The following ITGA1 variants were observed in gnomAD, a reference collection of about 807,000 sequenced individuals.
ITGA1 encodes integrin subunit alpha 1, also known as integrin alpha-1.
Under a neutral mutation model 145.9 loss-of-function variants are expected in ITGA1, and 85 were observed. The ratio of observed to expected loss-of-function variants is 0.58; its 90% CI spans 0.49 to 0.70. The LOEUF is 0.70. Among genes scored for constraint, ITGA1 ranks in the 30% least tolerant of loss-of-function variants. ITGA1 has a pLI of 0.00. For missense variants in ITGA1, 1,351 were observed against 1,418.7 expected (o/e 0.95, Z 0.77); for synonymous variants, 520 against 495.3 (o/e 1.05, Z -0.66).
At chr5:52,941,956 G>A (rs1430701073) in intron 26 of ITGA1, among the ~76,000 whole-genome samples, 1 of 151,550 alleles carries the variant, frequency 6.6e-6, no homozygotes, top group East Asian at 1.9e-4. Flanking sequence ...TTTTATATAT[G>A]GGGAAAGTTA....
chr5:52,841,820 A>G (rs1341986930), intron 1 of ITGA1, among the ~76,000 whole-genome samples: 2 of 152,194 alleles, frequency 1.3e-5, no homozygotes, highest in Non-Finnish European at 2.9e-5. Context: ...CCTTTTAGTT[A>G]CAGTGAGAAT....
In ITGA1 at chr5:52,910,351, G is replaced by A; in HGVS notation, c.1789G>A (p.Asp597Asn). Residue 597 changes from aspartate to asparagine, a missense_variant, in exon 14 of 29, where the codon GAT becomes AAT. By Grantham distance (23) the Asp-to-Asn change is conservative. Transcript: ENST00000282588. Reference protein sequence around the residue: ...NDIVIGAPLEDDHGGAVYIYH... With the variant: ...NDIVIGAPLENDHGGAVYIYH... ...CATCGTGATAGGAGCTCCGCTGGAA[G>A]ATGATCACGGGGGAGCTGTGTACAT... 1.2e-6 allele frequency: 2 copies of A among 1,613,866 alleles called. No individual in the cohort carries two copies. The highest frequency in any genetic ancestry group is 1.7e-6 in the Non-Finnish European group (2 of 1,179,830).
At chr5:52,911,056 C>T (rs1213775937) in intron 14 of ITGA1, among the ~76,000 whole-genome samples, 3 of 115,452 alleles carry the variant, frequency 2.6e-5, no homozygotes, top group Non-Finnish European at 5.0e-5. Flanking sequence ...ATATACTATA[C>T]ATAGTGTATA....
At chr5:52,871,364 C>A (rs1438006014) in intron 6 of ITGA1, among the ~76,000 whole-genome samples, 1 of 151,990 alleles carries the variant, frequency 6.6e-6, no homozygotes, top group Non-Finnish European at 1.5e-5. Context: ...CTAGGGATAG[C>A]AAAATACTTC....
chr5:52,945,129 A>G (rs1751115493), intron 27 of ITGA1, 94 bp downstream of exon 27: 2 of 879,704 alleles, frequency 2.3e-6, no homozygotes, highest in African/African-American at 1.7e-5. Context: ...TTAAGCAGTG[A>G]CTGGTATTGC....
At chr5:52,866,036 A>G (rs1749682163) in intron 6 of ITGA1, among the ~76,000 whole-genome samples, 2 of 125,022 alleles carry the variant, frequency 1.6e-5, no homozygotes, top group South Asian at 2.7e-4. Flanking sequence ...TCTTTTTTAG[A>G]CAGAGTCTCA....
intron 6 of ITGA1, among the ~76,000 whole-genome samples, chr5:52,867,850 T>G (rs1749712735): frequency 6.6e-6 from 1 of 151,974 alleles, no homozygotes; most frequent in African/African-American, 2.4e-5. Context: ...TTGCTGTTGT[T>G]TTTTTTCTTT....
chr5:52,915,366 CTG>C (rs1750627301), intron 14 of ITGA1, 96 bp from the exon 15 acceptor site: 9 of 1,328,234 alleles, frequency 6.8e-6, no homozygotes, highest in South Asian at 2.7e-5. Flanking sequence ...ATTAACAAAA[CTG>C]ATTATTTTGT....
At chr5:52,835,873 T>C (rs1479717075) in intron 1 of ITGA1, among the ~76,000 whole-genome samples, 2 of 152,212 alleles carry the variant, frequency 1.3e-5, no homozygotes, top group Non-Finnish European at 2.9e-5. Context: ...AAAATTGCAA[T>C]ACATAAGGAA....
At chr5:52,932,820 C>A (rs1750911941) in intron 22 of ITGA1, 1 of 152,002 alleles carries the variant, frequency 6.6e-6, no homozygotes, top group African/African-American at 2.4e-5. Flanking sequence ...ATTTATTGAG[C>A]CTTTGTGTTC....
intron 7 of ITGA1, among the ~76,000 whole-genome samples, chr5:52,884,145 T>G (rs917670439): frequency 6.6e-6 from 1 of 152,180 alleles, no homozygotes; most frequent in Non-Finnish European, 1.5e-5. Context: ...TTGTATACTT[T>G]AAAAAGTCAG....
At position 52,933,942 on chromosome 5, in the gene ITGA1, TG is replaced by T; in HGVS notation, c.2911del (p.Glu971LysfsTer18). 1 of 1,536,168 alleles carries T rather than the reference TG, an allele frequency of 6.5e-7. No individual in the cohort carries two copies. The highest frequency in any genetic ancestry group is 8.8e-7 in the Non-Finnish European group (1 of 1,136,712). Reference protein sequence around the residue: ...ISIAANETVPEVINSTEDIGN... With the variant: ...ISIAANETVPXVINSTEDIGN... ...CAATTGCTGCCAATGAGACAGTCCCTGAAGTTATTAATTCTACTGAGGACAT... is the reference window on the plus strand; with the variant it reads ...CAATTGCTGCCAATGAGACAGTCCCTAAGTTATTAATTCTACTGAGGACAT... On this transcript the variant is annotated frameshift_variant, in exon 23 of 29. Transcript: ENST00000282588. LOFTEE classifies it high-confidence loss of function.
At chr5:52,805,039 C>T (rs151133734) in intron 1 of ITGA1, among the ~76,000 whole-genome samples, 1 of 152,116 alleles carries the variant, frequency 6.6e-6, no homozygotes, top group East Asian at 1.9e-4. Flanking sequence ...AACATGTAAG[C>T]AAATCACTGT....
At chr5:52,841,082 C>G (rs1214868165) in intron 1 of ITGA1, among the ~76,000 whole-genome samples, 2 of 152,190 alleles carry the variant, frequency 1.3e-5, no homozygotes, top group Non-Finnish European at 2.9e-5. Context: ...TTGGAAAATG[C>G]TTAAATACTG....
At chr5:52,825,172 A>G (rs1302259757) in intron 1 of ITGA1, 1 of 152,210 alleles carries the variant, frequency 6.6e-6, no homozygotes, top group African/African-American at 2.4e-5. Context: ...GCCGCTTTAA[A>G]TAATATTTCA....
At chr5:52,825,870 A>T (rs1580049740) in intron 1 of ITGA1, among the ~76,000 whole-genome samples, 1 of 151,746 alleles carries the variant, frequency 6.6e-6, no homozygotes, top group African/African-American at 2.4e-5. Flanking sequence ...GTCAGCTGAG[A>T]TCATGCTACT....
chr5:52,788,381 G>C lies in ITGA1; in HGVS notation c.28G>C (p.Gly10Arg). The change falls in exon 1 of 29, where the codon GGG becomes CGG. Residue 10 changes from glycine (G) to arginine (R), a missense_variant. By Grantham distance (125) the Gly-to-Arg change is moderately radical (BLOSUM62 -2). Transcript: ENST00000282588. MAPRPRARP[G>R]VAVACCWLLT... ...GGCCCCTCGGCCCCGCGCCCGCCCA[G>C]GGGTCGCTGTCGCCTGCTGCTGGCT... The C allele has an allele frequency of 6.6e-7, 1 of 1,513,400 alleles. No individual in the cohort carries two copies. Among genetic ancestry groups the C allele is most frequent in the Non-Finnish European group, 8.8e-7 (1 of 1,134,430 alleles). The allele number at this position is 1,513,400 out of a possible 1,614,324, so 93.7% of individuals were successfully genotyped here.
chr5:52,883,066 G>C (rs1034969275), intron 7 of ITGA1: 2 of 152,164 alleles, frequency 1.3e-5, no homozygotes, highest in Non-Finnish European at 2.9e-5. Flanking sequence ...TGGGGCCCAA[G>C]AGAAAATAAC....
intron 14 of ITGA1, 101 bp from the exon 15 acceptor site, chr5:52,915,363 A>G: frequency 7.5e-7 from 1 of 1,333,794 alleles, no homozygotes; most frequent in Non-Finnish European, 1.0e-6. Context: ...CAAATTAACA[A>G]AACTGATTAT....
Sources: allele counts gnomAD v4.1 joint callset (sites outside exome capture counted in the v4.1 genomes callset), GRCh38; gene constraint gnomAD v4.1.1; transcripts MANE v1.5; gene names NCBI Gene and HGNC (gene_info 2026-07-23, HGNC 2026-07-21).